The following PCDHA1 variants were observed in gnomAD, a reference collection of about 807,000 sequenced individuals.
PCDHA1 encodes the protein protocadherin alpha 1, also known as protocadherin alpha-1.
In PCDHA1, 42 loss-of-function variants were observed where a neutral mutation model predicts 61.3. The observed-to-expected ratio is 0.69, with a 90% CI of 0.54 to 0.89. The LOEUF is 0.89. PCDHA1 is among the 40% of genes least tolerant of loss of function. PCDHA1 has a pLI of 0.00. For synonymous variants in PCDHA1, 610 were observed against 553.8 expected, an observed-to-expected ratio of 1.10 and a Z score of -1.43; for missense variants, 1,256 against 1,235.3, an observed-to-expected ratio of 1.02 and a Z score of -0.25.
At chr5:140,870,777 C>G in intron 1 of PCDHA1, 3 of 1,613,612 alleles carry the variant, frequency 1.9e-6, no homozygotes, top group East Asian at 4.5e-5. Context: ...TGGACGAGAA[C>G]GACAACGCGC....
intron 1 of PCDHA1, chr5:140,829,566 A>G (rs1554132093): frequency 1.9e-6 from 3 of 1,612,588 alleles, no homozygotes; most frequent in Non-Finnish European, 2.5e-6. Flanking sequence ...CTGGTGTCCT[A>G]CTCGCTGGTG....
chr5:140,937,599 A>T (rs2091614434), intron 1 of PCDHA1, among the ~76,000 whole-genome samples: 3 of 151,728 alleles, frequency 2.0e-5, no homozygotes, highest in African/African-American at 7.3e-5. Context: ...CCTGGGCAAC[A>T]GAGTGATACT....
chr5:140,876,259 C>T (rs1554168431), intron 1 of PCDHA1: 7 of 1,613,952 alleles, frequency 4.3e-6, no homozygotes, highest in South Asian at 1.1e-5. Flanking sequence ...AAGAGTGATC[C>T]AACTAAATGC....
chr5:140,933,306 G>A (rs1159375359), intron 1 of PCDHA1, among the ~76,000 whole-genome samples: 1 of 151,920 alleles, frequency 6.6e-6, no homozygotes, highest in African/African-American at 2.4e-5. Context: ...AAATAAATAT[G>A]CAATCTCGTA....
chr5:140,927,805 C>T (rs2084654444), intron 1 of PCDHA1: 1 of 1,614,074 alleles, frequency 6.2e-7, no homozygotes, highest in South Asian at 1.1e-5. Context: ...GCCTGAAACG[C>T]TCTTGGAGGC....
chr5:140,858,218 G>A, intron 1 of PCDHA1: 1 of 1,596,494 alleles, frequency 6.3e-7, no homozygotes. Context: ...GTGCTCGGCG[G>A]CGCCCACCGA....
In PCDHA1 at chr5:140,853,519, C is replaced by G. The variant is rs73793503; in HGVS notation, c.2394+64835C>G. ...GAATCATGAAACAATAATGAAGCTCCTCCTATGTCTCTTTTCAAGTTGTAA... is the reference window on the plus strand; with the variant it reads ...GAATCATGAAACAATAATGAAGCTCGTCCTATGTCTCTTTTCAAGTTGTAA... On this transcript the variant is annotated intron_variant, in intron 1 of 3. Transcript: ENST00000504120. The G allele has an allele frequency of 2.2e-3, 2,124 of 976,444 alleles. 135 individuals are homozygous for G. The African/African-American group carries it at 0.036, about 16-fold the overall frequency. The allele number at this position is 976,444 out of a possible 1,614,324, so 60.5% of individuals were successfully genotyped here. A position where few individuals can be genotyped will look rare whatever the true frequency, so the allele number is the denominator to read the frequency against.
chr5:140,797,021 C>T (rs782443070), intron 1 of PCDHA1: 3 of 1,613,716 alleles, frequency 1.9e-6, no homozygotes, highest in Non-Finnish European at 2.5e-6. Flanking sequence ...TGGGTGGGCG[C>T]CGCGGGCTCA....
At chr5:140,961,446 T>G (rs1318543773) in intron 1 of PCDHA1, among the ~76,000 whole-genome samples, 1 of 152,238 alleles carries the variant, frequency 6.6e-6, no homozygotes. Flanking sequence ...CTAACTACAC[T>G]GTCTTGCAGC....
chr5:140,853,226 T>G (rs1465630209), intron 1 of PCDHA1: 2 of 982,912 alleles, frequency 2.0e-6, no homozygotes, highest in Non-Finnish European at 2.5e-6. Flanking sequence ...GGATTGGTAA[T>G]TTAGTCCTTC....
chr5:140,795,093 C>T (rs782435677), intron 1 of PCDHA1: 3 of 1,613,908 alleles, frequency 1.9e-6, no homozygotes, highest in Admixed American at 1.7e-5. Context: ...AACACGGCAC[C>T]TTCGTGGGCC....
At chr5:141,009,345 G>C (rs1409011729) in intron 3 of PCDHA1, among the ~76,000 whole-genome samples, 1 of 152,164 alleles carries the variant, frequency 6.6e-6, no homozygotes, top group African/African-American at 2.4e-5. Context: ...TGTAGTTCCA[G>C]CTACTTGGGA....
Position 141,010,405 on chromosome 5 carries a change from C to G in PCDHA1, c.*468C>G. On this transcript the variant is annotated 3_prime_UTR_variant, in exon 4 of 4. Transcript: ENST00000504120. ...ATTGGCTGAGACGAGCCAGCTTAGA[C>G]TAATTGGTACAAGGAAGGCAAGAAA... 1 of 1,260,098 alleles carries G rather than the reference C, an allele frequency of 7.9e-7. No homozygotes were observed. Among genetic ancestry groups the G allele is most frequent in the South Asian group, 1.6e-5 (1 of 64,208 alleles). 78.1% of individuals were successfully genotyped at this position (1,260,098 alleles called of 1,614,324 possible). A position where few individuals can be genotyped will look rare whatever the true frequency, so the allele number is the denominator to read the frequency against.
At chr5:140,880,693 T>C (rs2058435381) in intron 1 of PCDHA1, among the ~76,000 whole-genome samples, 1 of 152,222 alleles carries the variant, frequency 6.6e-6, no homozygotes. Context: ...TAGTCATGGT[T>C]AAGTGACAAT....
intron 1 of PCDHA1, among the ~76,000 whole-genome samples, chr5:140,838,065 TTATA>T (rs144773480): frequency 1.1e-4 from 12 of 113,362 alleles, no homozygotes; most frequent in Admixed American, 1.8e-4. Context: ...CCACTTTAAG[TTATA>T]TATATATAGT....
intron 1 of PCDHA1, chr5:140,884,055 C>T (rs782119019): frequency 2.2e-5 from 36 of 1,613,356 alleles, no homozygotes; most frequent in Non-Finnish European, 1.7e-6. Flanking sequence ...AAGGTGCGCG[C>T]GGTGGACGCC....
intron 3 of PCDHA1, among the ~76,000 whole-genome samples, chr5:140,995,578 T>C (rs1554254730): frequency 1.3e-5 from 2 of 152,256 alleles, no homozygotes; most frequent in African/African-American, 4.8e-5. Flanking sequence ...AGATGAGCTA[T>C]GAGCTTTTAA....
At chr5:140,812,028 T>G (rs1340307203) in intron 1 of PCDHA1, 1 of 148,898 alleles carries the variant, frequency 6.7e-6, no homozygotes, top group Non-Finnish European at 1.5e-5. Flanking sequence ...TTAAAATGAG[T>G]TTGGAAGTGT....
chr5:140,805,011 A>G, intron 1 of PCDHA1: 1 of 1,553,140 alleles, frequency 6.4e-7, no homozygotes, highest in Non-Finnish European at 8.7e-7. Flanking sequence ...TAGTTCTGTT[A>G]TCAGCTTCTT....
Sources: allele counts gnomAD v4.1 joint callset (sites outside exome capture counted in the v4.1 genomes callset), GRCh38; gene constraint gnomAD v4.1.1; transcripts MANE v1.5; gene names NCBI Gene and HGNC (gene_info 2026-07-23, HGNC 2026-07-21).